Variants in KMT2D observed in about 807,000 individuals in gnomAD.
The protein encoded by KMT2D is histone-lysine N-methyltransferase 2D.
A neutral mutation model predicts 512.7 loss-of-function variants in KMT2D; 55 were observed. That is an observed-to-expected ratio of 0.11 (90% CI 0.09 to 0.13). The LOEUF (loss-of-function observed/expected upper bound fraction) is 0.13, where lower values mean the gene tolerates loss of function less well. Ranked by LOEUF, KMT2D falls within the 10% of genes least tolerant of loss-of-function variation. The pLI is 1.00. For missense variants in KMT2D, 6,061 were observed against 7,127.9 expected, an observed-to-expected ratio of 0.85 and a Z score of 5.39; for synonymous variants, 2,995 against 2,904.0, an observed-to-expected ratio of 1.03 and a Z score of -1.01.
chr12:49,053,910 A>G (rs950074369), intron 6 of KMT2D, 68 bp downstream of exon 6: 3 of 1,512,136 alleles, frequency 2.0e-6, no homozygotes, highest in East Asian at 2.3e-5. Flanking sequence ...AGTGCTCTGT[A>G]GAGTACAAAA....
rs978836905 is a variant in KMT2D at position 49,022,943 on chromosome 12, C to T, written c.16053-68G>A. On this transcript the variant is annotated intron_variant, in intron 51 of 54. Transcript: ENST00000301067. This position sits in a 1 kb window ranked among gnomAD's most constrained non-coding sequence, Gnocchi z 8.6. ...ACCAAGTACATACCACCCACCTCCT[C>T]TGCCACCTCCTGGGATGTGCAACAC... is the stretch of plus-strand genomic sequence containing the variant. 7.6e-6 allele frequency: 11 copies of T among 1,445,756 alleles called. No homozygotes were observed. The highest frequency in any genetic ancestry group is 1.0e-5 in the Non-Finnish European group (11 of 1,079,240). The allele number at this position is 1,445,756 out of a possible 1,614,324, so 89.6% of individuals were successfully genotyped here.
At position 49,039,063 on chromosome 12, in the gene KMT2D, G is replaced by A. The variant is rs1943362462; in HGVS notation, c.8367-74C>T. ...CAAGAACATGGGCTTAGGGCAGTGAGGAAGGATAGAATTAATGCAGTGAGG... is the reference window on the plus strand; with the variant it reads ...CAAGAACATGGGCTTAGGGCAGTGAAGAAGGATAGAATTAATGCAGTGAGG... On this transcript the variant is annotated intron_variant, in intron 34 of 54. Coordinates refer to ENST00000301067, the MANE Select transcript of KMT2D (RefSeq NM_003482.4). This position sits in a 1 kb window ranked among gnomAD's most constrained non-coding sequence, Gnocchi z 5.0. 1.3e-6 allele frequency: 2 copies of A among 1,522,568 alleles called. No individual in the cohort carries two copies. The highest frequency in any genetic ancestry group is 1.7e-4 in the Middle Eastern group (1 of 5,912). 94.3% of individuals were successfully genotyped at this position (1,522,568 alleles called of 1,614,324 possible).
At chr12:49,028,227 C>A in intron 46 of KMT2D, 86 bp from the exon 47 acceptor site, 3 of 1,525,518 alleles carry the variant, frequency 2.0e-6, no homozygotes, top group Non-Finnish European at 2.7e-6. Context: ...GGGACAAGGA[C>A]ACCTAGAACC....
Position 49,039,269 on chromosome 12 carries a change from G to A in KMT2D, c.8319C>T (p.Ser2773=), listed in dbSNP as rs1469508115. ...PGSFPSDDRL[S]RPPPPATPSS... ...AAGGCGTGGCTGGTGGAGGTGGCCG[G>A]GAGAGTCGGTCATCGCTAGGGAAGG... Residue 2773 remains serine (S), a synonymous_variant, in exon 34 of 55, where the codon TCC becomes TCT. Coordinates refer to ENST00000301067, the MANE Select transcript of KMT2D (RefSeq NM_003482.4). The surrounding 1 kb of genome is among the most constrained non-coding windows in gnomAD (Gnocchi z 5.0). 6.2e-7 allele frequency: 1 copy of A among 1,613,632 alleles called. No homozygotes were observed. Among genetic ancestry groups the A allele is most frequent in the Non-Finnish European group, 8.5e-7 (1 of 1,179,876 alleles).
At position 49,040,482 on chromosome 12, in the gene KMT2D, G is replaced by A. The variant is rs748139221; in HGVS notation, c.7288C>T (p.Leu2430=). 16 of 1,571,920 alleles carry A rather than the reference G, an allele frequency of 1.0e-5. No individual in the cohort carries two copies. In the South Asian group the frequency reaches 1.9e-4, roughly 19 times the overall value. The change falls in exon 32 of 55, where the codon CTG becomes TTG. Residue 2430 remains leucine, a synonymous_variant. Coordinates refer to ENST00000301067, the MANE Select transcript of KMT2D (RefSeq NM_003482.4). ...SSQSPLTPRP[L]SAEAFCPSPV... Reference sequence around the variant, plus strand: ...GATGGGCAAAAAGCTTCAGCAGACAGAGGCCGGGGTGTCAGTGGAGACTGG... The same window carrying A: ...GATGGGCAAAAAGCTTCAGCAGACAAAGGCCGGGGTGTCAGTGGAGACTGG...
In KMT2D at chr12:49,052,588, G is replaced by A. The variant is rs2120689313; in HGVS notation, c.1234C>T (p.Leu412=). ...CCTAGTGGTTTGGCTTCACATTGCA[G>A]GGGCCCTGGTTCCTTGGGTTGCATA... The part of the protein sequence containing the change: ...TSMQPKEPGP[L]QCEAKPLGKA... The change falls in exon 10 of 55, where the codon CTG becomes TTG. Residue 412 remains leucine (L), a synonymous_variant. Coordinates refer to ENST00000301067, the MANE Select transcript of KMT2D (RefSeq NM_003482.4). 1 of 1,613,402 alleles carries A rather than the reference G, an allele frequency of 6.2e-7. No individual in the cohort carries two copies. Among genetic ancestry groups the A allele is most frequent in the Non-Finnish European group, 8.5e-7 (1 of 1,179,598 alleles).
In KMT2D at chr12:49,050,120, G is replaced by T. The variant is rs557287690; in HGVS notation, c.3468C>A (p.Asp1156Glu). The T allele has an allele frequency of 6.2e-7, 1 of 1,613,426 alleles. No homozygotes were observed. Among genetic ancestry groups the T allele is most frequent in the Non-Finnish European group, 8.5e-7 (1 of 1,179,676 alleles). The part of the protein sequence containing the change: ...SELKGSPVLL[D>E]PEELAPVTPM... ...GGGTCACAGGGGCCAGCTCCTCGGGGTCCAGGAGCACAGGGGAGCCTTTAA... is the reference window on the plus strand; with the variant it reads ...GGGTCACAGGGGCCAGCTCCTCGGGTTCCAGGAGCACAGGGGAGCCTTTAA... The change falls in exon 12 of 55, where the codon GAC (aspartate) becomes GAA (glutamate). Residue 1156 changes from aspartate to glutamate, a missense_variant. By Grantham distance (45) the Asp-to-Glu change is conservative. This residue lies in a region of KMT2D where 447 missense variants were observed against 500.1 expected (regional missense o/e 0.89). Transcript: ENST00000301067.
chr12:49,031,229 G>A lies in KMT2D; in HGVS notation c.13476C>T (p.Asp4492=), dbSNP rs757074667. The change falls in exon 40 of 55, where the codon GAC becomes GAT. Residue 4492 remains aspartate (D), a synonymous_variant. Transcript: ENST00000301067. ...TCTGCTCCAGCCCAGCCAGCTTGCT[G>A]TCAATGTGCCCGTTGATCTCAGCTC... The part of the protein sequence containing the change: ...GLRAEINGHI[D]SKLAGLEQKL... 1 of 1,612,656 alleles carries A rather than the reference G, an allele frequency of 6.2e-7. No individual in the cohort carries two copies. The highest frequency in any genetic ancestry group is 1.1e-5 in the South Asian group (1 of 91,060).
At chr12:49,058,477 G>A (rs1346664963) in intron 1 of KMT2D, among the ~76,000 whole-genome samples, 1 of 152,200 alleles carries the variant, frequency 6.6e-6, no homozygotes, top group African/African-American at 2.4e-5. Flanking sequence ...AAATGCACCA[G>A]CCAAATCCCT....
chr12:49,053,980 A>C lies in KMT2D; in HGVS notation c.671T>G (p.Leu224Arg). Residue 224 changes from leucine to arginine, a missense_variant and splice_region_variant, in exon 6 of 55, where the codon CTG becomes CGG. Physicochemically the swap from Leu to Arg is moderately radical, Grantham distance 102. This residue lies in a region of KMT2D where 160 missense variants were observed against 225.8 expected (regional missense o/e 0.71). Transcript: ENST00000301067. Reference sequence around the variant, plus strand: ...GACCAAAGATCAGGACTTCTCACCCAGATATGCAGCCCCCTCACTGTGCTC... The same window carrying C: ...GACCAAAGATCAGGACTTCTCACCCCGATATGCAGCCCCCTCACTGTGCTC... ...CPEHSEGAAY[L>R]EEARCAVCEG... The C allele has an allele frequency of 6.2e-7, 1 of 1,613,180 alleles. No individual in the cohort carries two copies. The highest frequency in any genetic ancestry group is 1.7e-4 in the Middle Eastern group (1 of 6,056).
rs773104685 is a variant in KMT2D, at chr12:49,043,791, C to A, written c.5320-9G>T. The A allele has an allele frequency of 6.2e-7, 1 of 1,612,348 alleles. No homozygotes were observed. Among genetic ancestry groups the A allele is most frequent in the African/African-American group, 1.3e-5 (1 of 74,946 alleles). Reference sequence around the variant, plus strand: ...TTCCCAAAGAAGGCTTCCTGTGGGGCAGTCAAGGAGAAACAGTTTTCTTCA... The same window carrying A: ...TTCCCAAAGAAGGCTTCCTGTGGGGAAGTCAAGGAGAAACAGTTTTCTTCA... On this transcript the variant is annotated splice_polypyrimidine_tract_variant and intron_variant, in intron 23 of 54. Coordinates refer to ENST00000301067, the MANE Select transcript of KMT2D (RefSeq NM_003482.4).
chr12:49,052,480 T>C lies in KMT2D; in HGVS notation c.1259-56A>G, dbSNP rs1372206844. The C allele has an allele frequency of 1.9e-6, 3 of 1,557,610 alleles. No individual in the cohort carries two copies. In the African/African-American group the frequency reaches 4.1e-5, roughly 21 times the overall value. On this transcript the variant is annotated intron_variant, in intron 10 of 54. Transcript: ENST00000301067. ...TAGCTCAGATCTACTCCACAGAAAG[T>C]GTGGGGTCTGGGGCAATGCACAAAC...
Position 49,041,246 on chromosome 12 carries a change from T to C in KMT2D, c.6524A>G (p.Asp2175Gly), listed in dbSNP as rs766647683. ...ATAGGCAGGGGCCAGTCCAAAGGGG[T>C]CCTGCGAAGGCACTTGGGCGGGCAC... ...PQVPAQVPSQDPFGLAPAYPL... is the reference protein window; with the variant it reads ...PQVPAQVPSQGPFGLAPAYPL... Residue 2175 changes from aspartate to glycine, a missense_variant, in exon 32 of 55, where the codon GAC (aspartate) becomes GGC (glycine). Around this residue, in one of 16 missense-constraint regions of KMT2D, gnomAD observed 710 missense variants for 647.3 expected, o/e 1.10. Transcript: ENST00000301067. The surrounding 1 kb of genome is among the most constrained non-coding windows in gnomAD (Gnocchi z 5.4). The C allele has an allele frequency of 5.3e-6, 8 of 1,514,312 alleles. No homozygotes were observed. In the Admixed American group the frequency reaches 1.6e-4, roughly 31 times the overall value. The allele number at this position is 1,514,312 out of a possible 1,614,324, so 93.8% of individuals were successfully genotyped here.
intron 1 of KMT2D, among the ~76,000 whole-genome samples, chr12:49,059,080 C>T (rs1258007928): frequency 3.9e-5 from 6 of 152,220 alleles, no homozygotes; most frequent in Admixed American, 3.9e-4. Flanking sequence ...CACACTCTCC[C>T]TTTGCCCAGT....
Position 49,052,044 on chromosome 12 carries a change from G to A in KMT2D, c.1639C>T (p.Pro547Ser), listed in dbSNP as rs1938086173. 3 of 1,613,506 alleles carry A rather than the reference G, an allele frequency of 1.9e-6. No individual in the cohort carries two copies. Among genetic ancestry groups the A allele is most frequent in the Non-Finnish European group, 2.5e-6 (3 of 1,179,712 alleles). The change falls in exon 11 of 55, where the codon CCA becomes TCA. Residue 547 changes from proline to serine, a missense_variant. Coordinates refer to ENST00000301067, the MANE Select transcript of KMT2D (RefSeq NM_003482.4). ...SPPPEASPLSPPFEESPLSPP... is the reference protein window; with the variant it reads ...SPPPEASPLSSPFEESPLSPP... ...GACAAAGGAGATTCTTCAAATGGTG[G>A]GGACAGGGGCGATGCTTCAGGTGGT...
In KMT2D at chr12:49,037,564, C is replaced by T. The variant is rs1472575681; in HGVS notation, c.9792G>A (p.Gln3264=). 6.4e-7 allele frequency: 1 copy of T among 1,553,868 alleles called. No homozygotes were observed. The highest frequency in any genetic ancestry group is 1.2e-5 in the South Asian group (1 of 84,212). The change falls in exon 35 of 55, where the codon CAG becomes CAA. Residue 3264 remains glutamine, a synonymous_variant. Coordinates refer to ENST00000301067, the MANE Select transcript of KMT2D (RefSeq NM_003482.4). ...CAGGCTGCAACTGTGCTGAAAGCTG[C>T]TGCTTCTTCTGCAGCTCCTTCTTCT... ...EHEKKELQKK[Q]QLSAQLQPAQ...
At chr12:49,029,564 T>A (rs947890978) in intron 43 of KMT2D, 88 bp from the exon 44 acceptor site, 1 of 943,962 alleles carries the variant, frequency 1.1e-6, no homozygotes, top group Non-Finnish European at 1.7e-6. Flanking sequence ...CTAATTAGCA[T>A]GAGATCTCAG....
chr12:49,027,282 G>A lies in KMT2D; in HGVS notation c.14684C>T (p.Thr4895Ile), dbSNP rs991956504. 3.9e-6 allele frequency: 6 copies of A among 1,547,290 alleles called. No homozygotes were observed. The highest frequency in any genetic ancestry group is 2.5e-5 in the South Asian group (2 of 78,776). The change falls in exon 49 of 55, where the codon ACC becomes ATC. Residue 4895 changes from threonine (T) to isoleucine (I), a missense_variant. Physicochemically the swap from Thr to Ile is moderately conservative, Grantham distance 89. Around this residue, in one of 16 missense-constraint regions of KMT2D, gnomAD observed 1,600 missense variants for 1,754.9 expected, o/e 0.91. Transcript: ENST00000301067. Reference protein sequence around the residue: ...APEPPTQHSYTYNVSNLDVRQ... With the variant: ...APEPPTQHSYIYNVSNLDVRQ... Reference sequence around the variant, plus strand: ...CACATCCAGATTGGAGACATTGTAGGTATAGCTGTGCTGAGTGGGTGGCTC... The same window carrying A: ...CACATCCAGATTGGAGACATTGTAGATATAGCTGTGCTGAGTGGGTGGCTC...
Position 49,027,262 on chromosome 12 carries a change from C to G in KMT2D, c.14704G>C (p.Asp4902His), listed in dbSNP as rs2120370432. The G allele has an allele frequency of 6.4e-7, 1 of 1,554,830 alleles. No individual in the cohort carries two copies. The highest frequency in any genetic ancestry group is 2.2e-5 in the East Asian group (1 of 44,574). ...HSYTYNVSNL[D>H]VRQLSAPPPE... ...GGTGGGGCCGAGAGCTGTCGCACAT[C>G]CAGATTGGAGACATTGTAGGTATAG... is the stretch of plus-strand genomic sequence containing the variant. Residue 4902 changes from aspartate (D) to histidine (H), a missense_variant, in exon 49 of 55, where the codon GAT becomes CAT. Coordinates refer to ENST00000301067, the MANE Select transcript of KMT2D (RefSeq NM_003482.4).
Sources: allele counts gnomAD v4.1 joint callset (sites outside exome capture counted in the v4.1 genomes callset), GRCh38; gene constraint gnomAD v4.1.1; regional missense constraint gnomAD v4.1.1; non-coding constraint Gnocchi (gnomAD v3.1); transcripts MANE v1.5; gene names NCBI Gene and HGNC (gene_info 2026-07-23, HGNC 2026-07-21).